Variants in ZIC4 observed in about 807,000 individuals in gnomAD.
The protein encoded by ZIC4 is zinc finger protein ZIC 4.
In ZIC4, 15 loss-of-function variants were observed where a neutral mutation model predicts 28.8. That is an observed-to-expected ratio of 0.52 (90% confidence interval 0.35 to 0.80). The LOEUF is 0.80. Ranked by LOEUF, ZIC4 falls within the 30% of genes least tolerant of loss-of-function variation. ZIC4 has a pLI of 0.01. For missense variants in ZIC4, 512 were observed against 467.1 expected, an observed-to-expected ratio of 1.10 and a Z score of -0.89; for synonymous variants, 220 against 198.1, an observed-to-expected ratio of 1.11 and a Z score of -0.93.
At chr3:147,389,119 G>A in intron 4 of ZIC4, 2 of 565,216 alleles carry the variant, frequency 3.5e-6, no homozygotes, top group Non-Finnish European at 3.1e-6. Context: ...CCCGCGCTGG[G>A]TCAGGCAGCC....
intron 3 of ZIC4, among the ~76,000 whole-genome samples, chr3:147,393,258 G>A (rs910865254): frequency 6.6e-6 from 1 of 152,092 alleles, no homozygotes; most frequent in African/African-American, 2.4e-5. Flanking sequence ...AAACAGCAGT[G>A]CACTGAGTGA....
At chr3:147,392,250 T>C (rs1171905372) in intron 3 of ZIC4, 2 of 985,748 alleles carry the variant, frequency 2.0e-6, no homozygotes, top group Non-Finnish European at 1.2e-6. Context: ...AGAAAACAGC[T>C]GCTGCTGTCA....
chr3:147,391,125 G>A lies in ZIC4; in HGVS notation c.810C>T (p.Gly270=), dbSNP rs1202535543. Residue 270 remains glycine (G), a synonymous_variant, in exon 4 of 5, where the codon GGC becomes GGT. Coordinates refer to ENST00000383075, the MANE Select transcript of ZIC4 (RefSeq NM_032153.6). ...TGGGGTGCGTGTAGCACTTGTCGCAGCCCCGCACCTTGCACGTGTATGGCT... is the reference window on the plus strand; with the variant it reads ...TGGGGTGCGTGTAGCACTTGTCGCAACCCCGCACCTTGCACGTGTATGGCT... ...SDKPYTCKVR[G]CDKCYTHPSS... The A allele has an allele frequency of 6.2e-7, 1 of 1,614,096 alleles. No homozygotes were observed. The highest frequency in any genetic ancestry group is 8.5e-7 in the Non-Finnish European group (1 of 1,179,938).
chr3:147,402,850 C>G (rs779738244), intron 1 of ZIC4, 38 bp from the exon 2 acceptor site: 164 of 1,547,342 alleles, frequency 1.1e-4, no homozygotes, highest in Non-Finnish European at 1.4e-4. Flanking sequence ...ACTAGTTAAA[C>G]AATTTTACAC....
intron 3 of ZIC4, chr3:147,393,986 C>A (rs750837375): frequency 1.1e-5 from 5 of 455,666 alleles, no homozygotes; most frequent in Non-Finnish European, 4.4e-6. Context: ...TCCTGTTTGC[C>A]GCTTCTGCTA....
chr3:147,399,663 A>ATTTTTTTTTT (rs34229132), intron 2 of ZIC4, among the ~76,000 whole-genome samples: 2 of 128,026 alleles, frequency 1.6e-5, no homozygotes, highest in Non-Finnish European at 1.7e-5. Flanking sequence ...AAAAACACGG[A>ATTTTTTTTTT]TTTTTTTTTT....
chr3:147,400,274 A>C (rs2087137893), intron 2 of ZIC4, among the ~76,000 whole-genome samples: 1 of 152,226 alleles, frequency 6.6e-6, no homozygotes, highest in Admixed American at 6.5e-5. Flanking sequence ...GGTTTTATAC[A>C]CATAGTCTGC....
rs538752165 is a variant in ZIC4, at chr3:147,386,722, G to A, written c.*2137C>T. 6.6e-6 allele frequency: 1 copy of A among 152,170 alleles called. No individual in the cohort carries two copies. The highest frequency in any genetic ancestry group is 6.5e-5 in the Admixed American group (1 of 15,278). 9.4% of individuals were successfully genotyped at this position (152,170 alleles called of 1,614,324 possible). Reference sequence around the variant, plus strand: ...CACACGTGAATGAAGGGAAGGATGGGCATTTACATGCATTTTCGATCACTG... The same window carrying A: ...CACACGTGAATGAAGGGAAGGATGGACATTTACATGCATTTTCGATCACTG... On this transcript the variant is annotated 3_prime_UTR_variant, in exon 5 of 5. Transcript: ENST00000383075.
intron 2 of ZIC4, among the ~76,000 whole-genome samples, chr3:147,398,888 T>C (rs1016773225): frequency 6.6e-6 from 1 of 152,074 alleles, no homozygotes; most frequent in African/African-American, 2.4e-5. Context: ...TTAAAAAATT[T>C]TTTTTTAAAA....
intron 2 of ZIC4, among the ~76,000 whole-genome samples, chr3:147,399,588 G>A (rs527252556): frequency 6.6e-6 from 1 of 151,688 alleles, no homozygotes; most frequent in African/African-American, 2.4e-5. Context: ...TGGACCCTAG[G>A]TAATCTAAAA....
In ZIC4 at chr3:147,388,808, G is replaced by GGGCGCTCAGCTGCGC. The variant is rs1559957363; in HGVS notation, c.*36_*50dup. ...TTTGATGTAGCAGGCGCGAGATGCG[G>GGGCGCTCAGCTGCGC]GGCGCTCAGCTGCGCGGAGCGAGAT... is the stretch of plus-strand genomic sequence containing the variant. On this transcript the variant is annotated 3_prime_UTR_variant, in exon 5 of 5. Coordinates refer to ENST00000383075, the MANE Select transcript of ZIC4 (RefSeq NM_032153.6). 1 of 771,252 alleles carries GGGCGCTCAGCTGCGC rather than the reference G, an allele frequency of 1.3e-6. No individual in the cohort carries two copies. 47.8% of individuals were successfully genotyped at this position (771,252 alleles called of 1,614,324 possible). A position where few individuals can be genotyped will look rare whatever the true frequency, so the allele number is the denominator to read the frequency against.
rs763701377 is a variant in ZIC4 at position 147,387,479 on chromosome 3, G to C, written c.*1380C>G. The C allele has an allele frequency of 6.6e-6, 1 of 152,590 alleles. No homozygotes were observed. Among genetic ancestry groups the C allele is most frequent in the Non-Finnish European group, 1.5e-5 (1 of 68,032 alleles). The allele number at this position is 152,590 out of a possible 1,614,324, so 9.5% of individuals were successfully genotyped here. A position where few individuals can be genotyped will look rare whatever the true frequency, so the allele number is the denominator to read the frequency against. On this transcript the variant is annotated 3_prime_UTR_variant, in exon 5 of 5. Coordinates refer to ENST00000383075, the MANE Select transcript of ZIC4 (RefSeq NM_032153.6). ...AGATTTCTCAGCTCAATAGAAAGCGGACCATCCTTTTTATTCAACCACAAG... is the reference window on the plus strand; with the variant it reads ...AGATTTCTCAGCTCAATAGAAAGCGCACCATCCTTTTTATTCAACCACAAG...
At position 147,395,790 on chromosome 3, in the gene ZIC4, C is replaced by T. The variant is rs974055804; in HGVS notation, c.688+62G>A. On this transcript the variant is annotated intron_variant, in intron 3 of 4. Coordinates refer to ENST00000383075, the MANE Select transcript of ZIC4 (RefSeq NM_032153.6). The stretch of plus-strand genomic sequence containing the variant: ...CCCCTCAGTTGGGACTTGAGGAAAT[C>T]CAGACCCGAGGGCCTGCTTCCCCAG... 17 of 1,556,140 alleles carry T rather than the reference C, an allele frequency of 1.1e-5. No individual in the cohort carries two copies. The South Asian group carries it at 2.0e-4, about 18-fold the overall frequency.
At chr3:147,395,823 G>A in intron 3 of ZIC4, 29 bp downstream of exon 3, 2 of 1,586,352 alleles carry the variant, frequency 1.3e-6, no homozygotes, top group South Asian at 1.2e-5. Flanking sequence ...CAGAGGGTCC[G>A]CACGCGACAG....
At chr3:147,402,589 T>G (rs1412282686) in intron 2 of ZIC4, 139 bp downstream of exon 2, 2 of 674,542 alleles carry the variant, frequency 3.0e-6, no homozygotes, top group Non-Finnish European at 4.8e-6. Flanking sequence ...AAGTTTCATT[T>G]GAACTCAAGA....
chr3:147,405,502 C>A, intron 1 of ZIC4: 3 of 1,533,224 alleles, frequency 2.0e-6, no homozygotes, highest in Non-Finnish European at 1.7e-6. Flanking sequence ...AACCTTTGAG[C>A]CAGTCCTAGC....
At chr3:147,405,735 G>C (rs1366461942) in intron 1 of ZIC4, 1 of 531,162 alleles carries the variant, frequency 1.9e-6, no homozygotes, top group Admixed American at 3.2e-5. Context: ...GCAGGACCAG[G>C]GTGAGGGAGG....
intron 3 of ZIC4, chr3:147,393,639 C>T (rs1576457581): frequency 3.4e-6 from 1 of 293,308 alleles, no homozygotes; most frequent in Non-Finnish European, 6.7e-6. Flanking sequence ...TGGGCCAGCG[C>T]CATTTTCTCG....
chr3:147,390,049 G>A (rs949348367), intron 4 of ZIC4, among the ~76,000 whole-genome samples: 1 of 152,104 alleles, frequency 6.6e-6, no homozygotes, highest in Non-Finnish European at 1.5e-5. Context: ...TCCTTTGTCT[G>A]TATTTCTTGT....
Sources: allele counts gnomAD v4.1 joint callset (sites outside exome capture counted in the v4.1 genomes callset), GRCh38; gene constraint gnomAD v4.1.1; transcripts MANE v1.5; gene names NCBI Gene and HGNC (gene_info 2026-07-23, HGNC 2026-07-21).